Variants in FAT3 observed in about 807,000 individuals in gnomAD.
FAT3 encodes FAT atypical cadherin 3.
Under a neutral mutation model 310.2 loss-of-function variants are expected in FAT3, and 95 were observed. That is an observed-to-expected ratio of 0.31 (90% CI 0.26 to 0.36). The LOEUF (loss-of-function observed/expected upper bound fraction) is 0.36. Ranked by LOEUF, FAT3 falls within the 10% of genes least tolerant of loss-of-function variation. The pLI is 1.00. For synonymous variants in FAT3, 2,314 were observed against 2,192.9 expected, an observed-to-expected ratio of 1.06 and a Z score of -1.54; for missense variants, 5,408 against 5,715.6, an observed-to-expected ratio of 0.95 and a Z score of 1.74.
chr11:92,778,344 A>G (rs1946646533), intron 7 of FAT3, among the ~76,000 whole-genome samples: 1 of 152,192 alleles, frequency 6.6e-6, no homozygotes, highest in South Asian at 2.1e-4. Flanking sequence ...ATGTTGTGGA[A>G]TGATAGCAGA....
chr11:92,793,082 C>G, intron 9 of FAT3, 105 bp downstream of exon 9: 1 of 1,231,954 alleles, frequency 8.1e-7, no homozygotes, highest in Non-Finnish European at 1.1e-6. Context: ...TGGAACATCT[C>G]TAAATGAACT....
intron 2 of FAT3, among the ~76,000 whole-genome samples, chr11:92,428,232 A>G (rs1950679237): frequency 7.2e-6 from 1 of 138,208 alleles, no homozygotes; most frequent in Non-Finnish European, 1.6e-5. Context: ...CCCCTTTATC[A>G]TTTTTATTGT....
chr11:92,723,633 T>C (rs547941051), intron 4 of FAT3, among the ~76,000 whole-genome samples: 3 of 152,328 alleles, frequency 2.0e-5, no homozygotes, highest in African/African-American at 7.2e-5. Flanking sequence ...GACTGGGCAA[T>C]TTACAAAAGA....
chr11:92,475,039 C>T lies in FAT3; in HGVS notation c.3293-49595C>T, dbSNP rs546257119. ...TGGTTTTAAATATTTCTCCTTTCTT[C>T]GTACCCACCTTGACACAATGGCGGT... is the stretch of plus-strand genomic sequence containing the variant. On this transcript the variant is annotated intron_variant, in intron 2 of 27. Transcript: ENST00000525166. Among the ~76,000 whole-genome samples, 6 of 152,328 alleles carry T rather than the reference C, an allele frequency of 3.9e-5. No individual in the cohort carries two copies. In the East Asian group the frequency reaches 1.2e-3, roughly 29 times the overall value.
chr11:92,795,911 A>G (rs1432635809), intron 9 of FAT3, among the ~76,000 whole-genome samples: 2 of 152,118 alleles, frequency 1.3e-5, no homozygotes, highest in Non-Finnish European at 1.5e-5. Flanking sequence ...CCATCTCAAA[A>G]AAAAACAAAA....
At chr11:92,271,560 G>A (rs1046981140) in intron 1 of FAT3, among the ~76,000 whole-genome samples, 15 of 152,272 alleles carry the variant, frequency 9.9e-5, no homozygotes, top group African/African-American at 2.9e-4. Flanking sequence ...ACAAGCTTAA[G>A]GTCCTTAAGG....
chr11:92,334,666 A>G (rs747776081), intron 1 of FAT3, among the ~76,000 whole-genome samples: 7 of 152,156 alleles, frequency 4.6e-5, no homozygotes, highest in Non-Finnish European at 7.3e-5. Context: ...CCCACTTGCA[A>G]ATAATGCCAT....
At chr11:92,232,029 G>A (rs1244359214) in intron 1 of FAT3, among the ~76,000 whole-genome samples, 1 of 152,120 alleles carries the variant, frequency 6.6e-6, no homozygotes, top group African/African-American at 2.4e-5. Flanking sequence ...GGTTCTAAGT[G>A]GTGGCTTAAT....
chr11:92,463,138 C>T (rs562038456), intron 2 of FAT3, among the ~76,000 whole-genome samples: 2 of 152,298 alleles, frequency 1.3e-5, no homozygotes, highest in African/African-American at 4.8e-5. Flanking sequence ...TTTGCTATTA[C>T]CTTCACAGAG....
intron 2 of FAT3, among the ~76,000 whole-genome samples, chr11:92,478,993 T>G (rs142498249): frequency 0.032 from 4,544 of 140,638 alleles, 120 homozygotes; most frequent in East Asian, 0.087. Context: ...TTTTCTTTTC[T>G]TTGTTGTTGT....
At chr11:92,476,861 G>A (rs555436172) in intron 2 of FAT3, among the ~76,000 whole-genome samples, 12 of 152,290 alleles carry the variant, frequency 7.9e-5, no homozygotes, top group Middle Eastern at 3.4e-3. Context: ...ACAAGAAGTT[G>A]CCCATATCAG....
rs190619644 is a variant in FAT3 at position 92,709,298 on chromosome 11, A to G, written c.3669+11853A>G. ...TCAAATGTCAAAACCTCAATCGTGTAGAAATACGAAACTGGATGTGACTGT... is the reference window on the plus strand; with the variant it reads ...TCAAATGTCAAAACCTCAATCGTGTGGAAATACGAAACTGGATGTGACTGT... On this transcript the variant is annotated intron_variant, in intron 4 of 27. Coordinates refer to ENST00000525166, the MANE Select transcript of FAT3 (RefSeq NM_001367949.2). Among the ~76,000 whole-genome samples the G allele has an allele frequency of 4.1e-4, 63 of 152,352 alleles. 1 individual carries two copies. The highest frequency in any genetic ancestry group is 3.4e-3 in the Admixed American group (52 of 15,302).
chr11:92,741,776 T>G (rs1177144409), intron 4 of FAT3, among the ~76,000 whole-genome samples: 1 of 152,192 alleles, frequency 6.6e-6, no homozygotes, highest in Non-Finnish European at 1.5e-5. Context: ...TTGAATTTTA[T>G]TATGTGTAAA....
At chr11:92,561,372 C>G (rs1302128059) in intron 3 of FAT3, among the ~76,000 whole-genome samples, 3 of 151,760 alleles carry the variant, frequency 2.0e-5, no homozygotes, top group Non-Finnish European at 4.4e-5. Flanking sequence ...GAAAGTGTGA[C>G]ATTTATACAA....
At position 92,617,462 on chromosome 11, in the gene FAT3, G is replaced by A. The variant is rs540909086; in HGVS notation, c.3608-79922G>A. On this transcript the variant is annotated intron_variant, in intron 3 of 27. Coordinates refer to ENST00000525166, the MANE Select transcript of FAT3 (RefSeq NM_001367949.2). ...TTGGAGAAGTTTGTTATTACCAATC[G>A]TCTGAAGCCTTCTTCTCTCAACTCG... is the stretch of plus-strand genomic sequence containing the variant. Among the ~76,000 whole-genome samples, 19 of 152,186 alleles carry A rather than the reference G, an allele frequency of 1.2e-4. 1 individual carries two copies. The East Asian group carries it at 2.9e-3, about 23-fold the overall frequency.
chr11:92,650,394 T>G (rs1208965673), intron 3 of FAT3, among the ~76,000 whole-genome samples: 1 of 152,224 alleles, frequency 6.6e-6, no homozygotes, highest in Non-Finnish European at 1.5e-5. Context: ...TCCTTCTGTT[T>G]GCACTCATTA....
At chr11:92,627,673 G>A (rs1941387407) in intron 3 of FAT3, among the ~76,000 whole-genome samples, 1 of 152,162 alleles carries the variant, frequency 6.6e-6, no homozygotes, top group Non-Finnish European at 1.5e-5. Context: ...TCTCACCTTT[G>A]TAAAAGGAAT....
intron 2 of FAT3, among the ~76,000 whole-genome samples, chr11:92,397,856 CT>C (rs1949911657): frequency 1.3e-5 from 2 of 151,342 alleles, no homozygotes; most frequent in African/African-American, 4.9e-5. Flanking sequence ...ATTTTACAAA[CT>C]TTTTTTGACT....
At chr11:92,301,552 G>A (rs1057148535) in intron 1 of FAT3, among the ~76,000 whole-genome samples, 2 of 152,108 alleles carry the variant, frequency 1.3e-5, no homozygotes, top group African/African-American at 2.4e-5. Flanking sequence ...TATGTTGTCT[G>A]GGGAATGGCA....
Sources: allele counts gnomAD v4.1 joint callset (sites outside exome capture counted in the v4.1 genomes callset), GRCh38; gene constraint gnomAD v4.1.1; transcripts MANE v1.5; gene names NCBI Gene and HGNC (gene_info 2026-07-23, HGNC 2026-07-21).